Variants in MRPL27 observed in about 807,000 individuals in gnomAD.
The protein encoded by MRPL27 is large ribosomal subunit protein bL27m.
In MRPL27, 4 loss-of-function variants were observed where a neutral mutation model predicts 14.6. That is an observed-to-expected ratio of 0.27 (90% CI 0.14 to 0.63). The LOEUF is 0.63. Among genes scored for constraint, MRPL27 ranks in the 20% least tolerant of loss-of-function variants. The pLI is 0.85. For missense variants in MRPL27, 196 were observed against 192.8 expected (o/e 1.02, Z -0.10); for synonymous variants, 82 against 75.5 (o/e 1.09, Z -0.45).
At chr17:50,368,811 A>AT (rs1913040003) in intron 3 of MRPL27, 4 of 701,208 alleles carry the variant, frequency 5.7e-6, no homozygotes, top group Non-Finnish European at 1.0e-5. Context: ...AAGCCCTTTA[A>AT]TACACATTAA....
chr17:50,373,077 G>T, intron 1 of MRPL27, 54 bp downstream of exon 1: 1 of 1,611,502 alleles, frequency 6.2e-7, no homozygotes, highest in South Asian at 1.1e-5. Context: ...CTCCCTGCTG[G>T]AGCTCCACTC....
chr17:50,370,926 C>T lies in MRPL27; in HGVS notation c.41-340G>A, dbSNP rs1298866105. ...CTCACCCTCATGCACCACGGAGGGG[C>T]CAGAACAGACTTGGGGAGCCCAGTA... On this transcript the variant is annotated intron_variant, in intron 1 of 3. Coordinates refer to ENST00000225969, the MANE Select transcript of MRPL27 (RefSeq NM_016504.3). 36 of 242,992 alleles carry T rather than the reference C, an allele frequency of 1.5e-4. No individual in the cohort carries two copies. In the Admixed American group the frequency reaches 1.7e-3, roughly 12 times the overall value. The allele number at this position is 242,992 out of a possible 1,614,324, so 15.1% of individuals were successfully genotyped here.
chr17:50,368,199 C>A lies in MRPL27; in HGVS notation c.340G>T (p.Val114Leu). Residue 114 changes from valine to leucine, a missense_variant, in exon 4 of 4, where the codon GTG becomes TTG. By Grantham distance (32) the Val-to-Leu change is conservative. Transcript: ENST00000225969. ...TTGGGCAGCCTGGTGATCAGATCCA[C>A]AGCCTCCGTGTTTCTGGGATGAGGC... Reference protein sequence around the residue: ...YVPHPRNTEAVDLITRLPKGA... With the variant: ...YVPHPRNTEALDLITRLPKGA... The A allele has an allele frequency of 6.2e-7, 1 of 1,614,228 alleles. No individual in the cohort carries two copies. Among genetic ancestry groups the A allele is most frequent in the Non-Finnish European group, 8.5e-7 (1 of 1,180,052 alleles).
chr17:50,370,080 C>G lies in MRPL27; in HGVS notation c.192G>C (p.Gly64=). The change falls in exon 3 of 4, where the codon GGG becomes GGC. Residue 64 remains glycine, a synonymous_variant. Transcript: ENST00000225969. The part of the protein sequence containing the change: ...KKMEGHYVHA[G]NIIATQRHFR... ...AATGGCGCTGTGTTGCAATGATGTT[C>G]CCAGCATGAACATAGTGACCTAGAA... 6.2e-7 allele frequency: 1 copy of G among 1,613,322 alleles called. No individual in the cohort carries two copies. Among genetic ancestry groups the G allele is most frequent in the South Asian group, 1.1e-5 (1 of 90,938 alleles).
intron 3 of MRPL27, chr17:50,369,257 A>G (rs539882426): frequency 1.6e-5 from 3 of 193,098 alleles, no homozygotes; most frequent in African/African-American, 7.0e-5. Flanking sequence ...TGACATAGCC[A>G]CACATCTAAT....
At chr17:50,368,653 G>A in intron 3 of MRPL27, 1 of 594,888 alleles carries the variant, frequency 1.7e-6, no homozygotes. Flanking sequence ...CACTAGAACT[G>A]TCATATTAAA....
intron 3 of MRPL27, 77 bp downstream of exon 3, chr17:50,369,955 C>T: frequency 6.7e-7 from 1 of 1,492,472 alleles, no homozygotes; most frequent in Middle Eastern, 1.7e-4. Flanking sequence ...ATACATGCAA[C>T]TGTTATTACC....
intron 3 of MRPL27, chr17:50,369,388 AAG>A (rs1913058158): frequency 6.4e-6 from 1 of 156,732 alleles, no homozygotes; most frequent in South Asian, 1.9e-4. Context: ...ATTATCGAAA[AAG>A]GGGTGGGGGA....
At chr17:50,372,235 T>C (rs1370655487) in intron 1 of MRPL27, among the ~76,000 whole-genome samples, 2 of 140,036 alleles carry the variant, frequency 1.4e-5, no homozygotes, top group African/African-American at 5.2e-5. Flanking sequence ...GGTCTAGGTC[T>C]CCTGTCATTC....
At chr17:50,369,737 C>G in intron 3 of MRPL27, 1 of 445,900 alleles carries the variant, frequency 2.2e-6, no homozygotes. Context: ...GAAAGGAGAA[C>G]CAAGAATACC....
chr17:50,372,782 G>C (rs1913212622), intron 1 of MRPL27: 1 of 338,908 alleles, frequency 3.0e-6, no homozygotes, highest in African/African-American at 2.1e-5. Flanking sequence ...CTAGCACAAA[G>C]TAAGACCTCA....
At chr17:50,372,403 A>C (rs1913194610) in intron 1 of MRPL27, among the ~76,000 whole-genome samples, 2 of 151,980 alleles carry the variant, frequency 1.3e-5, no homozygotes, top group South Asian at 4.2e-4. Flanking sequence ...GCGCCACTAC[A>C]CCCAGCTAAT....
Position 50,368,299 on chromosome 17 carries a change from C to G in MRPL27, c.241-1G>C. 2 of 1,601,760 alleles carry G rather than the reference C, an allele frequency of 1.2e-6. No homozygotes were observed. Among genetic ancestry groups the G allele is most frequent in the Non-Finnish European group, 1.7e-6 (2 of 1,176,062 alleles). On this transcript the variant is annotated splice_acceptor_variant, in intron 3 of 3. Transcript: ENST00000225969. LOFTEE classifies it high-confidence loss of function. Reference sequence around the variant, plus strand: ...GACATTTATTCTTCCCAACACCCACCTGCAACACACAGACCTGGTCAGCTG... The same window carrying G: ...GACATTTATTCTTCCCAACACCCACGTGCAACACACAGACCTGGTCAGCTG...
At chr17:50,372,387 A>G (rs1913193556) in intron 1 of MRPL27, among the ~76,000 whole-genome samples, 1 of 152,090 alleles carries the variant, frequency 6.6e-6, no homozygotes, top group African/African-American at 2.4e-5. Context: ...CTGAGACCAC[A>G]GGCAAGCGCC....
intron 3 of MRPL27, chr17:50,369,764 A>G (rs4793651): frequency 0.2 from 103,966 of 508,560 alleles, 11,996 homozygotes; most frequent in Non-Finnish European, 0.24. Flanking sequence ...ATGCAACACC[A>G]GGGCAAATCA....
At position 50,372,727 on chromosome 17, in the gene MRPL27, A is replaced by G. The variant is rs574393817; in HGVS notation, c.40+404T>C. 4 of 240,514 alleles carry G rather than the reference A, an allele frequency of 1.7e-5. No homozygotes were observed. In the South Asian group the frequency reaches 2.7e-4, roughly 16 times the overall value. The allele number at this position is 240,514 out of a possible 1,614,324, so 14.9% of individuals were successfully genotyped here. A position where few individuals can be genotyped will look rare whatever the true frequency, so the allele number is the denominator to read the frequency against. On this transcript the variant is annotated intron_variant, in intron 1 of 3. Transcript: ENST00000225969. ...AGAACCGTTCGGGGGCTAGAAGCCAAGTCTTCACGTTTTCTGCTGATTTTC... is the reference window on the plus strand; with the variant it reads ...AGAACCGTTCGGGGGCTAGAAGCCAGGTCTTCACGTTTTCTGCTGATTTTC...
intron 1 of MRPL27, 148 bp downstream of exon 1, chr17:50,372,983 G>A (rs1273771675): frequency 8.9e-7 from 1 of 1,121,730 alleles, no homozygotes; most frequent in Non-Finnish European, 1.3e-6. Flanking sequence ...CGTGACCAGC[G>A]ACACCGTCCC....
intron 1 of MRPL27, 177 bp downstream of exon 1, chr17:50,372,954 C>T: frequency 2.4e-6 from 2 of 827,802 alleles, no homozygotes; most frequent in South Asian, 3.4e-5. Context: ...TCACTCACGG[C>T]TCCACCCAGG....
At chr17:50,369,028 T>C in intron 3 of MRPL27, 3 of 605,348 alleles carry the variant, frequency 5.0e-6, no homozygotes, top group Non-Finnish European at 8.8e-6. Context: ...ATTAAAAGAA[T>C]GGGCTCTGGA....
Sources: gnomAD v4.1 joint callset for allele counts (sites outside exome capture counted in the v4.1 genomes callset) on GRCh38, gnomAD v4.1.1 for gene constraint, MANE v1.5 for transcripts, NCBI Gene and HGNC (gene_info 2026-07-23, HGNC 2026-07-21) for gene names.